Variants in ANKRD11 observed in about 807,000 individuals in gnomAD.
The protein encoded by ANKRD11 is ankyrin repeat domain 11.
In ANKRD11, 17 loss-of-function variants were observed where a neutral mutation model predicts 195.7. The ratio of observed to expected loss-of-function variants is 0.09; its 90% CI spans 0.06 to 0.13. ANKRD11 has a LOEUF of 0.13. Among genes scored for constraint, ANKRD11 ranks in the 10% least tolerant of loss-of-function variants. The pLI, the probability that ANKRD11 is intolerant of heterozygous loss-of-function variation, is 1.00. For synonymous variants in ANKRD11, 1,953 were observed against 1,528.1 expected, an observed-to-expected ratio of 1.28 and a Z score of -6.49; for missense variants, 3,735 against 3,566.1, an observed-to-expected ratio of 1.05 and a Z score of -1.21.
At position 89,278,640 on chromosome 16, in the gene ANKRD11, G is replaced by A. The variant is rs770172638; in HGVS notation, c.7470+432C>T. ...GAGGAGGTGGGGGAAGGGACTCATC[G>A]TGCAGGTATGGAGGCTCAGGGAACC... is the stretch of plus-strand genomic sequence containing the variant. On this transcript the variant is annotated intron_variant, in intron 9 of 12. Transcript: ENST00000301030. 4.1e-5 allele frequency: 19 copies of A among 462,026 alleles called. No individual in the cohort carries two copies. The Middle Eastern group carries it at 1.7e-3, about 42-fold the overall frequency. The allele number at this position is 462,026 out of a possible 1,614,324, so 28.6% of individuals were successfully genotyped here. A position where few individuals can be genotyped will look rare whatever the true frequency, so the allele number is the denominator to read the frequency against.
intron 1 of ANKRD11, among the ~76,000 whole-genome samples, chr16:89,429,994 G>A (rs532537948): frequency 5.9e-5 from 7 of 118,262 alleles, no homozygotes; most frequent in East Asian, 5.2e-4. Context: ...ACGCTCAGTC[G>A]TTCTAGTACA....
chr16:89,347,138 G>A (rs1006225267), intron 2 of ANKRD11, among the ~76,000 whole-genome samples: 3 of 152,196 alleles, frequency 2.0e-5, no homozygotes, highest in East Asian at 1.9e-4. Flanking sequence ...CCGGGCATCA[G>A]AGGAAGCAGC....
chr16:89,373,804 C>T (rs999986572), intron 2 of ANKRD11, among the ~76,000 whole-genome samples: 3 of 152,238 alleles, frequency 2.0e-5, no homozygotes, highest in African/African-American at 4.8e-5. Flanking sequence ...ACCTGACAGA[C>T]GCCTGTGTAG....
At chr16:89,286,824 C>G in intron 7 of ANKRD11, 1 of 1,287,262 alleles carries the variant, frequency 7.8e-7, no homozygotes. Flanking sequence ...TTCCTATGCC[C>G]AGAACAGCAA....
chr16:89,294,612 C>A (rs190191142), intron 4 of ANKRD11, among the ~76,000 whole-genome samples: 160 of 152,304 alleles, frequency 1.1e-3, no homozygotes, highest in African/African-American at 3.7e-3. Context: ...AGCGAGACCC[C>A]CATGTGCCAC....
intron 1 of ANKRD11, among the ~76,000 whole-genome samples, chr16:89,455,010 G>A (rs2056368257): frequency 1.1e-5 from 1 of 92,234 alleles, no homozygotes; most frequent in Admixed American, 1.1e-4. Flanking sequence ...TGCTCCCCTG[G>A]GTGCTGTTAG....
At chr16:89,276,648 G>T (rs970417593) in intron 9 of ANKRD11, among the ~76,000 whole-genome samples, 1 of 152,246 alleles carries the variant, frequency 6.6e-6, no homozygotes, top group African/African-American at 2.4e-5. Context: ...GCACGGCAGG[G>T]TCTCGTCACC....
intron 1 of ANKRD11, among the ~76,000 whole-genome samples, chr16:89,423,306 T>G (rs750677155): frequency 1.0e-3 from 157 of 152,394 alleles, no homozygotes; most frequent in Non-Finnish European, 2.0e-3. Context: ...ACGATGGGCA[T>G]CTGCCCCCGA....
At chr16:89,424,308 G>A (rs1229223768) in intron 1 of ANKRD11, among the ~76,000 whole-genome samples, 1 of 152,098 alleles carries the variant, frequency 6.6e-6, no homozygotes, top group Admixed American at 6.5e-5. Context: ...AGGCGTGGTG[G>A]CGCATGCCTG....
chr16:89,270,856 G>C lies in ANKRD11; in HGVS notation c.7767C>G (p.Ser2589=). 6 of 1,614,090 alleles carry C rather than the reference G, an allele frequency of 3.7e-6. No individual in the cohort carries two copies. The highest frequency in any genetic ancestry group is 5.1e-6 in the Non-Finnish European group (6 of 1,180,018). ...RDRFNARQFI[S]WLQDVDDKYD... is the part of the protein sequence containing the mutation. ...ACTTGTCATCCACGTCCTGGAGCCA[G>C]GAGATGAACTGGCGGGCGTTGAAAC... Residue 2589 remains serine, a synonymous_variant, in exon 12 of 13, where the codon TCC becomes TCG. Coordinates refer to ENST00000301030, the MANE Select transcript of ANKRD11 (RefSeq NM_013275.6).
intron 1 of ANKRD11, among the ~76,000 whole-genome samples, chr16:89,429,733 C>T (rs1394854160): frequency 1.6e-5 from 1 of 61,482 alleles, no homozygotes; most frequent in Admixed American, 1.6e-4. Flanking sequence ...TCAACTCTCA[C>T]GCTCAGTCGT....
chr16:89,404,871 T>C (rs2041844642), intron 2 of ANKRD11, among the ~76,000 whole-genome samples: 1 of 152,260 alleles, frequency 6.6e-6, no homozygotes, highest in Non-Finnish European at 1.5e-5. Flanking sequence ...TAAATCACAC[T>C]ATTGACTCTT....
At chr16:89,269,660 G>C (rs972504981) in intron 12 of ANKRD11, among the ~76,000 whole-genome samples, 8 of 152,006 alleles carry the variant, frequency 5.3e-5, no homozygotes, top group Non-Finnish European at 8.8e-5. Flanking sequence ...CTGGAGTGCA[G>C]TGGTGCAATC....
chr16:89,446,341 C>G (rs72803369), intron 1 of ANKRD11, among the ~76,000 whole-genome samples: 3,250 of 152,276 alleles, frequency 0.021, 50 homozygotes, highest in Non-Finnish European at 0.036. Flanking sequence ...CAGTGGCTCA[C>G]GCCCCTAATC....
intron 1 of ANKRD11, among the ~76,000 whole-genome samples, chr16:89,419,744 A>G (rs1332964376): frequency 1.3e-5 from 2 of 151,876 alleles, no homozygotes; most frequent in Non-Finnish European, 1.5e-5. Flanking sequence ...CCTGAGCAAC[A>G]CTCCTGGCAC....
intron 1 of ANKRD11, among the ~76,000 whole-genome samples, chr16:89,452,918 A>G (rs1346524815): frequency 6.6e-6 from 1 of 152,098 alleles, no homozygotes; most frequent in East Asian, 1.9e-4. Context: ...TTTTCATACA[A>G]TCACACATGC....
chr16:89,304,501 C>T (rs186271532), intron 4 of ANKRD11, among the ~76,000 whole-genome samples: 7 of 151,316 alleles, frequency 4.6e-5, no homozygotes, highest in Admixed American at 6.6e-5. Context: ...TAGACGGGCA[C>T]GCATACACAG....
At chr16:89,381,696 G>C (rs903756778) in intron 2 of ANKRD11, among the ~76,000 whole-genome samples, 1 of 152,222 alleles carries the variant, frequency 6.6e-6, no homozygotes, top group African/African-American at 2.4e-5. Context: ...TCAGGAAACA[G>C]ATGCCCTCTG....
chr16:89,467,648 G>A (rs1191430883), intron 1 of ANKRD11, among the ~76,000 whole-genome samples: 3 of 152,110 alleles, frequency 2.0e-5, no homozygotes, highest in Admixed American at 2.0e-4. Context: ...TACAGGCGTT[G>A]CATCTGACCC....
Sources: allele counts gnomAD v4.1 joint callset (sites outside exome capture counted in the v4.1 genomes callset), GRCh38; gene constraint gnomAD v4.1.1; transcripts MANE v1.5; gene names NCBI Gene and HGNC (gene_info 2026-07-23, HGNC 2026-07-21).